TVP23A: variants seen among roughly 807,000 people sequenced by gnomAD.
The protein encoded by TVP23A is Golgi apparatus membrane protein TVP23 homolog A.
A neutral mutation model predicts 31.7 loss-of-function variants in TVP23A; 21 were observed. The observed-to-expected ratio is 0.66, with a 90% CI of 0.47 to 0.95. The LOEUF (loss-of-function observed/expected upper bound fraction) is 0.95, where lower values mean the gene tolerates loss of function less well. Among genes scored for constraint, TVP23A ranks in the 40% least tolerant of loss-of-function variants. The pLI is 0.00. For synonymous variants in TVP23A, 104 were observed against 96.0 expected (o/e 1.08, Z -0.49); for missense variants, 279 against 255.6 (o/e 1.09, Z -0.62).
chr16:10,785,405 A>G (rs894772542), intron 2 of TVP23A, among the ~76,000 whole-genome samples: 1 of 144,042 alleles, frequency 6.9e-6, no homozygotes, highest in Non-Finnish European at 1.5e-5. Flanking sequence ...CTCCATCTCA[A>G]AAAAAAAAAG....
chr16:10,806,716 G>T (rs1173580559), intron 2 of TVP23A, among the ~76,000 whole-genome samples: 2 of 152,102 alleles, frequency 1.3e-5, no homozygotes. Context: ...TGCCTAGGCT[G>T]GTCTCGAACT....
rs573754439 is a variant in TVP23A at position 10,787,101 on chromosome 16, T to G, written c.90-12005A>C. On this transcript the variant is annotated intron_variant, in intron 2 of 7. Coordinates refer to ENST00000299866, the MANE Select transcript of TVP23A (RefSeq NM_001079512.4). The stretch of plus-strand genomic sequence containing the variant: ...TGAAGTACAAATGCCCAACCCTCCC[T>G]GCACCTGGCCAGCGTGGTGCAGGGA... 1.6e-3 allele frequency among the ~76,000 whole-genome samples: 250 copies of G among 152,266 alleles called. 1 individual carries two copies. Among genetic ancestry groups the G allele is most frequent in the African/African-American group, 5.8e-3 (242 of 41,546 alleles).
chr16:10,790,667 T>C (rs888952463), intron 2 of TVP23A, among the ~76,000 whole-genome samples: 1 of 152,162 alleles, frequency 6.6e-6, no homozygotes, highest in Non-Finnish European at 1.5e-5. Flanking sequence ...TCACGATATA[T>C]AGGGTTAAAT....
At chr16:10,778,373 T>G (rs1249512100) in intron 2 of TVP23A, among the ~76,000 whole-genome samples, 2 of 152,176 alleles carry the variant, frequency 1.3e-5, no homozygotes, top group Admixed American at 6.6e-5. Flanking sequence ...AAAAACTTCC[T>G]GGAGTGTTCC....
chr16:10,765,927 A>C (rs940411912), downstream of TVP23A: 2 of 152,332 alleles, frequency 1.3e-5, no homozygotes, highest in African/African-American at 4.8e-5. The surrounding 1 kb of genome is among the most constrained non-coding windows in gnomAD (Gnocchi z 4.0). Flanking sequence ...GGAGTGCCAG[A>C]AAGGAAGGGG....
chr16:10,775,177 G>T, intron 2 of TVP23A, 81 bp from the exon 3 acceptor site: 3 of 1,519,486 alleles, frequency 2.0e-6, no homozygotes, highest in Non-Finnish European at 2.6e-6. Flanking sequence ...TTCAGACTTT[G>T]CTGGGGGTGT....
Position 10,791,122 on chromosome 16 carries a change from C to G in TVP23A, c.90-16026G>C, listed in dbSNP as rs961690505. 1.5e-4 allele frequency among the ~76,000 whole-genome samples: 23 copies of G among 152,140 alleles called. 1 individual carries two copies. Among genetic ancestry groups the G allele is most frequent in the Admixed American group, 1.2e-3 (19 of 15,268 alleles). On this transcript the variant is annotated intron_variant, in intron 2 of 7. Transcript: ENST00000299866. ...ACCATGCCAGATCAGAGAGAGCCCT[C>G]CAGCAGCTGTGGTTCCTATCACTCT...
chr16:10,773,823 C>G lies in TVP23A; in HGVS notation c.324+216G>C, dbSNP rs546160486. Among the ~76,000 whole-genome samples, 188 of 152,152 alleles carry G rather than the reference C, an allele frequency of 1.2e-3. 1 individual carries two copies. The highest frequency in any genetic ancestry group is 4.3e-3 in the African/African-American group (178 of 41,500). On this transcript the variant is annotated intron_variant, in intron 4 of 7. Coordinates refer to ENST00000299866, the MANE Select transcript of TVP23A (RefSeq NM_001079512.4). ...TAACCTCAAGTGATCCACCCACCTC[C>G]GCCTCCCAAAGTGCTGGGATTGCAG...
intron 2 of TVP23A, among the ~76,000 whole-genome samples, chr16:10,796,940 T>C (rs1287150097): frequency 6.6e-6 from 1 of 152,134 alleles, no homozygotes; most frequent in Non-Finnish European, 1.5e-5. Context: ...CGGTGGCTCA[T>C]GAACCTTGGG....
chr16:10,817,265 TA>T (rs1278346117), intron 2 of TVP23A, among the ~76,000 whole-genome samples: 1 of 152,256 alleles, frequency 6.6e-6, no homozygotes, highest in Non-Finnish European at 1.5e-5. Context: ...TACAGTCTAT[TA>T]CTTTCTGGGG....
intron 2 of TVP23A, among the ~76,000 whole-genome samples, chr16:10,786,927 T>A (rs2032794024): frequency 1.3e-5 from 2 of 150,372 alleles, no homozygotes; most frequent in South Asian, 4.2e-4. Flanking sequence ...ATGGCCCAGC[T>A]GTGGTCCAAA....
At chr16:10,759,255 GC>G, downstream of TVP23A, among the ~76,000 whole-genome samples, 2 of 152,320 alleles carry the variant, frequency 1.3e-5, no homozygotes, top group East Asian at 1.9e-4. The surrounding 1 kb of genome is among the most constrained non-coding windows in gnomAD (Gnocchi z 4.7). Flanking sequence ...TGAGGGTACA[GC>G]CAATGGAGTG....
At position 10,777,063 on chromosome 16, in the gene TVP23A, G is replaced by C. The variant is rs2032078521; in HGVS notation, c.90-1967C>G. Reference sequence around the variant, plus strand: ...CTTAACCGTCCAGGAATGCAGCCCAGTAGGTCTCAGCCTCGTTTTACCCAG... The same window carrying C: ...CTTAACCGTCCAGGAATGCAGCCCACTAGGTCTCAGCCTCGTTTTACCCAG... On this transcript the variant is annotated intron_variant, in intron 2 of 7. Transcript: ENST00000299866. The surrounding 1 kb of genome is among the most constrained non-coding windows in gnomAD (Gnocchi z 4.5). 6.6e-6 allele frequency among the ~76,000 whole-genome samples: 1 copy of C among 152,148 alleles called. No homozygotes were observed. Among genetic ancestry groups the C allele is most frequent in the Non-Finnish European group, 1.5e-5 (1 of 68,028 alleles).
At chr16:10,793,742 A>T (rs529665987) in intron 2 of TVP23A, among the ~76,000 whole-genome samples, 16 of 151,686 alleles carry the variant, frequency 1.1e-4, no homozygotes, top group African/African-American at 1.9e-4. Flanking sequence ...AAAATAAAAA[A>T]AATAAACCTA....
chr16:10,762,464 G>A (rs888533928), downstream of TVP23A, among the ~76,000 whole-genome samples: 1 of 152,216 alleles, frequency 6.6e-6, no homozygotes, highest in African/African-American at 2.4e-5. Context: ...CCACACGCCC[G>A]CCGGGCGCCC....
In TVP23A at chr16:10,766,948, A is replaced by T. The variant is rs1057090929; in HGVS notation, c.*2154T>A. 4.0e-5 allele frequency: 16 copies of T among 398,514 alleles called. No homozygotes were observed. Among genetic ancestry groups the T allele is most frequent in the Non-Finnish European group, 6.6e-5 (15 of 226,110 alleles). The allele number at this position is 398,514 out of a possible 1,614,324, so 24.7% of individuals were successfully genotyped here. On this transcript the variant is annotated 3_prime_UTR_variant, in exon 8 of 8. Coordinates refer to ENST00000299866, the MANE Select transcript of TVP23A (RefSeq NM_001079512.4). The surrounding 1 kb of genome is among the most constrained non-coding windows in gnomAD (Gnocchi z 4.8). ...CCTCTGGACCCTATTTTCCTGACTC[A>T]CTGGGCCATATGGGCTCCCCATCTC...
chr16:10,771,598 G>A, intron 6 of TVP23A, 72 bp downstream of exon 6: 2 of 1,590,152 alleles, frequency 1.3e-6, no homozygotes, highest in Admixed American at 3.4e-5. Context: ...ACAAACCGCA[G>A]TTGCCAGCAG....
At position 10,774,839 on chromosome 16, in the gene TVP23A, C is replaced by T. The variant is rs2031888153; in HGVS notation, c.234+113G>A. 3.4e-6 allele frequency: 3 copies of T among 878,344 alleles called. 1 individual carries two copies. The South Asian group carries it at 5.1e-5, about 15-fold the overall frequency. The allele number at this position is 878,344 out of a possible 1,614,324, so 54.4% of individuals were successfully genotyped here. A position where few individuals can be genotyped will look rare whatever the true frequency, so the allele number is the denominator to read the frequency against. ...CCCCTTACTTTTAAGTGACACTGCTCAGCACTCTTAAGCATGTCTCAGGAG... is the reference window on the plus strand; with the variant it reads ...CCCCTTACTTTTAAGTGACACTGCTTAGCACTCTTAAGCATGTCTCAGGAG... On this transcript the variant is annotated intron_variant, in intron 3 of 7. Coordinates refer to ENST00000299866, the MANE Select transcript of TVP23A (RefSeq NM_001079512.4).
rs1567278435 is a variant in TVP23A at position 10,773,451 on chromosome 16, GA to G, written c.325-11del. 5.7e-6 allele frequency: 9 copies of G among 1,572,562 alleles called. No homozygotes were observed. The highest frequency in any genetic ancestry group is 6.9e-6 in the Non-Finnish European group (8 of 1,165,910). On this transcript the variant is annotated splice_polypyrimidine_tract_variant and intron_variant, in intron 4 of 7. Transcript: ENST00000299866. The stretch of plus-strand genomic sequence containing the variant: ...TGCTATTCGGAGAGACCTGTTAAAG[GA>G]AAGTAATTCAAATGTCAAAACAAGT...
Sources: gnomAD v4.1 joint callset for allele counts (sites outside exome capture counted in the v4.1 genomes callset) on GRCh38, gnomAD v4.1.1 for gene constraint, Gnocchi (gnomAD v3.1) non-coding constraint, MANE v1.5 for transcripts, NCBI Gene and HGNC (gene_info 2026-07-23, HGNC 2026-07-21) for gene names.